Variants in WWP1 observed in about 807,000 individuals in gnomAD.
WWP1 encodes the protein NEDD4-like E3 ubiquitin-protein ligase WWP1.
Under a neutral mutation model 130.6 loss-of-function variants are expected in WWP1, and 49 were observed. The ratio of observed to expected loss-of-function variants is 0.38; its 90% CI spans 0.30 to 0.48. WWP1 has a LOEUF of 0.48. WWP1 is among the 20% of genes least tolerant of loss of function. WWP1 has a pLI of 0.99. For missense variants in WWP1, 809 were observed against 1,100.6 expected (o/e 0.74, Z 3.75); for synonymous variants, 332 against 367.8 (o/e 0.90, Z 1.11).
rs184166398 is a variant in WWP1, at chr8:86,390,707, C to T, written c.335-7635C>T. ...TGGAAAGTGGGAGACGAGAGGGAGA[C>T]GGGAGAGGGGGAGGGAGAGGGGGAG... On this transcript the variant is annotated intron_variant, in intron 5 of 24. Coordinates refer to ENST00000517970, the MANE Select transcript of WWP1 (RefSeq NM_007013.4). Among the ~76,000 whole-genome samples, 428 of 83,576 alleles carry T rather than the reference C, an allele frequency of 5.1e-3. 1 individual carries two copies. Among genetic ancestry groups the T allele is most frequent in the African/African-American group, 0.018 (407 of 22,274 alleles). 54.8% of individuals were successfully genotyped at this position (83,576 alleles called of 152,430 possible).
At chr8:86,386,285 A>T (rs1044229708) in intron 5 of WWP1, among the ~76,000 whole-genome samples, 2 of 152,104 alleles carry the variant, frequency 1.3e-5, no homozygotes, top group African/African-American at 4.8e-5. Flanking sequence ...TAAAAATTAT[A>T]TCTAAGGTAG....
intron 1 of WWP1, among the ~76,000 whole-genome samples, chr8:86,358,386 A>G (rs1216839124): frequency 1.3e-5 from 2 of 152,072 alleles, no homozygotes; most frequent in African/African-American, 4.8e-5. Flanking sequence ...CACTCTAGCC[A>G]TCTTTTATTG....
chr8:86,382,218 C>T lies in WWP1; in HGVS notation c.334+589C>T, dbSNP rs182109888. Among the ~76,000 whole-genome samples the T allele has an allele frequency of 1.3e-3, 200 of 152,190 alleles. 1 individual carries two copies. Among genetic ancestry groups the T allele is most frequent in the Middle Eastern group, 0.01 (3 of 294 alleles). ...TGCTTTCTAGAAATTTAACAATATA[C>T]CATAAATATTAAGTTTCCATGATAC... On this transcript the variant is annotated intron_variant, in intron 5 of 24. Transcript: ENST00000517970.
At chr8:86,435,325 C>T (rs1210906424) in intron 14 of WWP1, 127 bp from the exon 15 acceptor site, 2 of 943,834 alleles carry the variant, frequency 2.1e-6, no homozygotes, top group African/African-American at 3.3e-5. Flanking sequence ...TGTATGTATA[C>T]CCTTCTCTCC....
intron 24 of WWP1, among the ~76,000 whole-genome samples, chr8:86,463,465 C>A (rs1050585517): frequency 6.6e-6 from 1 of 151,864 alleles, no homozygotes; most frequent in Non-Finnish European, 1.5e-5. Flanking sequence ...CACCACCACG[C>A]CCAGCTAATT....
intron 5 of WWP1, among the ~76,000 whole-genome samples, chr8:86,396,979 C>T (rs186501501): frequency 2.0e-5 from 3 of 152,130 alleles, no homozygotes; most frequent in African/African-American, 4.8e-5. Context: ...CCTCCTGTGT[C>T]GGCCTCCCAA....
intron 17 of WWP1, among the ~76,000 whole-genome samples, chr8:86,441,340 T>C (rs970899209): frequency 1.3e-5 from 2 of 152,220 alleles, no homozygotes; most frequent in South Asian, 2.1e-4. Flanking sequence ...TAATAATTGG[T>C]GTTTACTATT....
Position 86,468,433 on chromosome 8 carries a change from T to TAA in WWP1, c.*1549_*1550dup. The TAA allele has an allele frequency of 2.4e-6, 1 of 414,810 alleles. No homozygotes were observed. The highest frequency in any genetic ancestry group is 1.8e-5 in the South Asian group (1 of 56,042). The allele number at this position is 414,810 out of a possible 1,614,324, so 25.7% of individuals were successfully genotyped here. A position where few individuals can be genotyped will look rare whatever the true frequency, so the allele number is the denominator to read the frequency against. The stretch of plus-strand genomic sequence containing the variant: ...CTGGTAATTTTCAAGCCTAAAGAAT[T>TAA]AAAAAAAAAATTCTAATGTATGTGA... On this transcript the variant is annotated 3_prime_UTR_variant, in exon 25 of 25. Coordinates refer to ENST00000517970, the MANE Select transcript of WWP1 (RefSeq NM_007013.4).
rs1000345669 is a variant in WWP1, at chr8:86,427,716, C to T, written c.1231C>T (p.Arg411Trp). ...TAACACCAGAACAACAACGTGGCAG[C>T]GGCCTACCATGGAATCTGTCCGAAA... The part of the protein sequence containing the change: ...DHNTRTTTWQ[R>W]PTMESVRNFE... Residue 411 changes from arginine (R) to tryptophan (W), a missense_variant, in exon 11 of 25, where the codon CGG (arginine) becomes TGG (tryptophan). By Grantham distance (101) the Arg-to-Trp change is moderately radical. Coordinates refer to ENST00000517970, the MANE Select transcript of WWP1 (RefSeq NM_007013.4). 7 of 1,613,850 alleles carry T rather than the reference C, an allele frequency of 4.3e-6. No homozygotes were observed. The highest frequency in any genetic ancestry group is 4.2e-6 in the Non-Finnish European group (5 of 1,179,866).
chr8:86,345,605 T>A (rs1822531036), intron 1 of WWP1, among the ~76,000 whole-genome samples: 2 of 150,754 alleles, frequency 1.3e-5, no homozygotes, highest in Admixed American at 1.3e-4. Context: ...AGAGATGGGG[T>A]CTCACTATTT....
chr8:86,388,089 G>T (rs1825391315), intron 5 of WWP1, among the ~76,000 whole-genome samples: 1 of 151,122 alleles, frequency 6.6e-6, no homozygotes, highest in Non-Finnish European at 1.5e-5. Context: ...ATGGCCGCTG[G>T]CTACTGTATT....
At position 86,360,007 on chromosome 8, in the gene WWP1, C is replaced by T. The variant is rs554650374; in HGVS notation, c.-114-8932C>T. ...GAGCTTGCAGTGAGCTGAGATTGCG[C>T]CACTGCACTCCAGCCTGGGCAACAG... On this transcript the variant is annotated intron_variant, in intron 1 of 24. Coordinates refer to ENST00000517970, the MANE Select transcript of WWP1 (RefSeq NM_007013.4). Among the ~76,000 whole-genome samples, 9 of 151,916 alleles carry T rather than the reference C, an allele frequency of 5.9e-5. No homozygotes were observed. The East Asian group carries it at 1.8e-3, about 30-fold the overall frequency.
At chr8:86,407,759 C>T (rs1808358872) in intron 8 of WWP1, among the ~76,000 whole-genome samples, 1 of 152,106 alleles carries the variant, frequency 6.6e-6, no homozygotes, top group African/African-American at 2.4e-5. Flanking sequence ...AGAACAGTTT[C>T]AGATTTACAG....
At chr8:86,403,297 T>A (rs1808102371) in intron 8 of WWP1, among the ~76,000 whole-genome samples, 1 of 152,172 alleles carries the variant, frequency 6.6e-6, no homozygotes, top group African/African-American at 2.4e-5. Context: ...TTTTTGATAA[T>A]GAGTCTTTTA....
intron 3 of WWP1, among the ~76,000 whole-genome samples, chr8:86,375,289 T>C (rs1015530985): frequency 1.3e-5 from 2 of 152,104 alleles, no homozygotes; most frequent in African/African-American, 4.8e-5. Context: ...ATTAGTTAAG[T>C]TCATCGTTTT....
chr8:86,363,657 C>T (rs1019306399), intron 1 of WWP1, among the ~76,000 whole-genome samples: 4 of 151,816 alleles, frequency 2.6e-5, no homozygotes, highest in African/African-American at 9.7e-5. Flanking sequence ...AACAAATTAG[C>T]CGGGTGTGGG....
At chr8:86,388,801 T>C (rs1475974695) in intron 5 of WWP1, among the ~76,000 whole-genome samples, 1 of 152,196 alleles carries the variant, frequency 6.6e-6, no homozygotes, top group African/African-American at 2.4e-5. Context: ...ATTTTAAAAG[T>C]TTTTCATAGA....
chr8:86,447,679 C>T (rs577462292), intron 18 of WWP1, among the ~76,000 whole-genome samples: 2 of 151,992 alleles, frequency 1.3e-5, no homozygotes, highest in Non-Finnish European at 2.9e-5. Context: ...TTTTTAGTTC[C>T]CCAAAATTGG....
intron 9 of WWP1, among the ~76,000 whole-genome samples, chr8:86,413,544 A>C (rs983066105): frequency 6.6e-6 from 1 of 152,230 alleles, no homozygotes; most frequent in African/African-American, 2.4e-5. Context: ...TTCGAAAGCT[A>C]TGACACGTCA....
Sources: allele counts gnomAD v4.1 joint callset (sites outside exome capture counted in the v4.1 genomes callset), GRCh38; gene constraint gnomAD v4.1.1; transcripts MANE v1.5; gene names NCBI Gene and HGNC (gene_info 2026-07-23, HGNC 2026-07-21).